The following GRM8 variants were observed in gnomAD, a reference collection of about 807,000 sequenced individuals.
GRM8 encodes the protein metabotropic glutamate receptor 8.
A neutral mutation model predicts 87.2 loss-of-function variants in GRM8; 47 were observed. That is an observed-to-expected ratio of 0.54 (90% CI 0.43 to 0.69). GRM8 has a LOEUF of 0.69. GRM8 is among the 30% of genes least tolerant of loss of function. The probability of loss-of-function intolerance (pLI) is 0.00; values close to 1 mark genes in which losing one functional copy is unlikely to be tolerated. For synonymous variants in GRM8, 396 were observed against 404.5 expected (o/e 0.98, Z 0.25); for missense variants, 1,019 against 1,139.2 (o/e 0.89, Z 1.52).
chr7:126,632,910 G>T (rs1455950588), intron 7 of GRM8, among the ~76,000 whole-genome samples: 2 of 151,912 alleles, frequency 1.3e-5, no homozygotes, highest in Admixed American at 6.6e-5. Flanking sequence ...GCGAGAGCAT[G>T]ATATAGAGAC....
intron 8 of GRM8, among the ~76,000 whole-genome samples, chr7:126,580,684 T>A (rs11770188): frequency 0.13 from 19,477 of 152,148 alleles, 1,558 homozygotes; most frequent in South Asian, 0.17. Flanking sequence ...TTAATCATAG[T>A]TTCCTCTTCT....
chr7:127,183,263 C>T (rs1300509600), intron 2 of GRM8, among the ~76,000 whole-genome samples: 4 of 151,830 alleles, frequency 2.6e-5, no homozygotes, highest in Non-Finnish European at 2.9e-5. Context: ...TTCTAAAGCT[C>T]ACATGGAATA....
chr7:126,589,798 C>A (rs747968605), intron 8 of GRM8, among the ~76,000 whole-genome samples: 1 of 152,166 alleles, frequency 6.6e-6, no homozygotes, highest in Non-Finnish European at 1.5e-5. Flanking sequence ...TGGTTCACAT[C>A]ACAGAACTCT....
intron 3 of GRM8, among the ~76,000 whole-genome samples, chr7:127,072,930 T>G (rs1277322857): frequency 6.6e-6 from 1 of 151,842 alleles, no homozygotes; most frequent in Admixed American, 6.6e-5. Flanking sequence ...CTAGCCCACC[T>G]CTCTTTCTTT....
At chr7:126,558,203 C>T (rs1308481856) in intron 8 of GRM8, among the ~76,000 whole-genome samples, 1 of 152,050 alleles carries the variant, frequency 6.6e-6, no homozygotes, top group Non-Finnish European at 1.5e-5. Context: ...ATGTAAGTAC[C>T]ACAGTGAAGA....
chr7:126,974,810 C>G (rs1431422180), intron 3 of GRM8, among the ~76,000 whole-genome samples: 1 of 152,000 alleles, frequency 6.6e-6, no homozygotes, highest in Non-Finnish European at 1.5e-5. Context: ...GTGGCAGGCA[C>G]CTGTAGTCCC....
At chr7:127,075,497 G>A (rs1035918741) in intron 3 of GRM8, among the ~76,000 whole-genome samples, 5 of 152,018 alleles carry the variant, frequency 3.3e-5, no homozygotes, top group East Asian at 1.9e-4. Flanking sequence ...TAGTCAGGGC[G>A]AAGTATATGT....
At chr7:126,641,960 T>C (rs1278896209) in intron 7 of GRM8, among the ~76,000 whole-genome samples, 1 of 152,174 alleles carries the variant, frequency 6.6e-6, no homozygotes, top group African/African-American at 2.4e-5. Flanking sequence ...AAGACTGTCA[T>C]GGGAGCTCCT....
chr7:126,976,059 A>T (rs1012123238), intron 3 of GRM8, among the ~76,000 whole-genome samples: 5 of 152,222 alleles, frequency 3.3e-5, no homozygotes, highest in African/African-American at 1.2e-4. Context: ...TGTAGTGATA[A>T]TGAAGTTGAA....
chr7:126,701,961 C>T (rs951065090), intron 7 of GRM8: 5 of 318,064 alleles, frequency 1.6e-5, no homozygotes, highest in East Asian at 7.6e-5. Flanking sequence ...TTTCTTTCTC[C>T]GAAGTGTCCC....
At chr7:126,631,437 C>T (rs1229197156) in intron 7 of GRM8, among the ~76,000 whole-genome samples, 4 of 152,002 alleles carry the variant, frequency 2.6e-5, no homozygotes, top group African/African-American at 4.8e-5. Flanking sequence ...GAATCAATAT[C>T]GTAAAAATGG....
chr7:127,082,916 C>T (rs1397278439), intron 3 of GRM8, among the ~76,000 whole-genome samples: 3 of 152,278 alleles, frequency 2.0e-5, no homozygotes, highest in South Asian at 2.1e-4. Context: ...AGAGCGGGAT[C>T]GGAACCCAGG....
At chr7:126,801,068 A>C (rs927180246) in intron 6 of GRM8, among the ~76,000 whole-genome samples, 3 of 152,156 alleles carry the variant, frequency 2.0e-5, no homozygotes, top group Admixed American at 6.5e-5. Context: ...TATTCAAAAA[A>C]GAGGAAACAC....
At chr7:126,854,614 C>T (rs188565784) in intron 6 of GRM8, among the ~76,000 whole-genome samples, 91 of 152,248 alleles carry the variant, frequency 6.0e-4, no homozygotes, top group South Asian at 1.2e-3. Context: ...TGCTCTTCCA[C>T]GCATCTACAT....
intron 9 of GRM8, among the ~76,000 whole-genome samples, chr7:126,531,739 A>T (rs1320730373): frequency 6.6e-6 from 1 of 152,242 alleles, no homozygotes; most frequent in African/African-American, 2.4e-5. Flanking sequence ...TATTTGTCCA[A>T]AAATAGTTGA....
chr7:126,471,779 G>C (rs1156782059), intron 9 of GRM8, among the ~76,000 whole-genome samples: 1 of 151,732 alleles, frequency 6.6e-6, no homozygotes, highest in Non-Finnish European at 1.5e-5. Flanking sequence ...AATTACCTTG[G>C]GCAGTATGGC....
At chr7:126,656,996 G>A (rs1257066281) in intron 7 of GRM8, among the ~76,000 whole-genome samples, 1 of 152,230 alleles carries the variant, frequency 6.6e-6, no homozygotes, top group African/African-American at 2.4e-5. Flanking sequence ...CACAATGGCT[G>A]TGATTTAGTA....
intron 6 of GRM8, among the ~76,000 whole-genome samples, chr7:126,842,838 C>A (rs890014506): frequency 2.6e-5 from 4 of 152,150 alleles, no homozygotes; most frequent in Non-Finnish European, 5.9e-5. Context: ...CCTGCTGACA[C>A]CTTGATTTTC....
intron 7 of GRM8, among the ~76,000 whole-genome samples, chr7:126,637,946 T>C (rs901553396): frequency 1.2e-4 from 18 of 152,216 alleles, no homozygotes; most frequent in African/African-American, 4.1e-4. Flanking sequence ...AAAATCTTCA[T>C]AAAAATGGGT....
Sources: allele counts gnomAD v4.1 joint callset (sites outside exome capture counted in the v4.1 genomes callset), GRCh38; gene constraint gnomAD v4.1.1; transcripts MANE v1.5; gene names NCBI Gene and HGNC (gene_info 2026-07-23, HGNC 2026-07-21).